The following RBFOX1 variants were observed in gnomAD, a reference collection of about 807,000 sequenced individuals.
RBFOX1 encodes the protein RNA binding protein fox-1 homolog 1.
RBFOX1 carries 8 observed loss-of-function variants against 57.7 expected under a neutral mutation model. The ratio of observed to expected loss-of-function variants is 0.14; its 90% CI spans 0.08 to 0.25. RBFOX1 has a LOEUF of 0.25. RBFOX1 is among the 10% of genes least tolerant of loss of function. The pLI is 1.00. For missense variants in RBFOX1, 611 were observed against 548.5 expected (o/e 1.11, Z -1.14); for synonymous variants, 326 against 222.4 (o/e 1.47, Z -4.15).
intron 1 of RBFOX1, among the ~76,000 whole-genome samples, chr16:5,387,412 C>A (rs935205950): frequency 8.5e-5 from 13 of 152,200 alleles, no homozygotes; most frequent in Admixed American, 8.5e-4. Flanking sequence ...CATCACAGAC[C>A]TAGGCACCTT....
At chr16:6,869,839 A>C (rs2060563343) in intron 3 of RBFOX1, among the ~76,000 whole-genome samples, 1 of 152,160 alleles carries the variant, frequency 6.6e-6, no homozygotes, top group South Asian at 2.1e-4. Flanking sequence ...TGACTGCTTC[A>C]CGGGAATCAG....
chr16:7,056,669 C>T (rs888938890), intron 4 of RBFOX1, among the ~76,000 whole-genome samples: 2 of 152,062 alleles, frequency 1.3e-5, no homozygotes, highest in Non-Finnish European at 2.9e-5. Context: ...ATTCCAAAGC[C>T]CACCTTTCTG....
intron 4 of RBFOX1, among the ~76,000 whole-genome samples, chr16:7,370,104 G>A (rs1216952502): frequency 2.0e-5 from 3 of 152,186 alleles, no homozygotes; most frequent in Admixed American, 6.5e-5. Context: ...TTGTTGAAGG[G>A]TTTCCCTGTG....
intron 1 of RBFOX1, among the ~76,000 whole-genome samples, chr16:6,051,467 A>G (rs1254927944): frequency 1.3e-5 from 2 of 152,172 alleles, no homozygotes; most frequent in Non-Finnish European, 2.9e-5. Context: ...AGCTGGAATT[A>G]CAGGTGCCTT....
chr16:5,789,460 G>C (rs942116201), intron 3 of RBFOX1, among the ~76,000 whole-genome samples: 3 of 152,098 alleles, frequency 2.0e-5, no homozygotes, highest in Middle Eastern at 3.4e-3. Context: ...AGTGTGCATG[G>C]GCATGTATGG....
chr16:6,101,516 C>T (rs186190135), intron 1 of RBFOX1, among the ~76,000 whole-genome samples: 20 of 152,088 alleles, frequency 1.3e-4, no homozygotes, highest in African/African-American at 3.4e-4. Context: ...GACAGAGTTT[C>T]GCTCTTGTTG....
intron 3 of RBFOX1, among the ~76,000 whole-genome samples, chr16:6,834,219 G>A (rs1350791621): frequency 2.6e-5 from 4 of 151,962 alleles, no homozygotes; most frequent in Non-Finnish European, 4.4e-5. Flanking sequence ...GATTACAGGT[G>A]CCCGCTAGCA....
chr16:5,925,826 A>G (rs2058929092), intron 4 of RBFOX1, among the ~76,000 whole-genome samples: 1 of 151,968 alleles, frequency 6.6e-6, no homozygotes, highest in South Asian at 2.1e-4. Flanking sequence ...ATCGGCATAA[A>G]CCTCCAAATA....
chr16:6,723,466 A>G (rs569045276), intron 3 of RBFOX1, among the ~76,000 whole-genome samples: 1 of 152,320 alleles, frequency 6.6e-6, no homozygotes, highest in East Asian at 1.9e-4. Flanking sequence ...AATGTTATGT[A>G]TTATAGTTTT....
chr16:6,640,117 A>T (rs1324969018), intron 2 of RBFOX1, among the ~76,000 whole-genome samples: 7 of 152,184 alleles, frequency 4.6e-5, no homozygotes, highest in Non-Finnish European at 8.8e-5. Context: ...TAAACAGGGT[A>T]CACTGGTTTC....
At chr16:5,410,311 G>C (rs974083927) in intron 1 of RBFOX1, among the ~76,000 whole-genome samples, 15 of 151,912 alleles carry the variant, frequency 9.9e-5, no homozygotes, top group African/African-American at 3.1e-4. Flanking sequence ...GGTTGAGGCT[G>C]CAATGAGCTG....
chr16:5,553,770 C>A (rs1238948942), intron 2 of RBFOX1, among the ~76,000 whole-genome samples: 1 of 134,208 alleles, frequency 7.5e-6, no homozygotes, highest in East Asian at 2.2e-4. Flanking sequence ...CATGTGAAAC[C>A]TCATACCACA....
At chr16:7,100,565 GT>G (rs201889492) in intron 4 of RBFOX1, among the ~76,000 whole-genome samples, 5,130 of 118,672 alleles carry the variant, frequency 0.043, 86 homozygotes, top group South Asian at 0.087. Context: ...TTTAAAGGTT[GT>G]TTTTTTTTTT....
intron 2 of RBFOX1, among the ~76,000 whole-genome samples, chr16:6,385,925 T>C (rs1427484409): frequency 7.9e-6 from 1 of 126,962 alleles, no homozygotes; most frequent in Non-Finnish European, 1.7e-5. Context: ...AGAACTCATT[T>C]CTTTTTTTTC....
intron 3 of RBFOX1, among the ~76,000 whole-genome samples, chr16:6,992,573 T>C (rs898035769): frequency 1.3e-5 from 2 of 152,068 alleles, no homozygotes; most frequent in African/African-American, 4.8e-5. Context: ...TCCTCAGTAG[T>C]CGTGGTATTT....
intron 2 of RBFOX1, among the ~76,000 whole-genome samples, chr16:6,561,615 A>T (rs1028818059): frequency 2.6e-5 from 4 of 152,236 alleles, no homozygotes; most frequent in African/African-American, 9.6e-5. Context: ...GGAAAATTCA[A>T]TTCAGTTGCA....
chr16:6,993,105 T>G (rs2091763041), intron 3 of RBFOX1, among the ~76,000 whole-genome samples: 1 of 152,204 alleles, frequency 6.6e-6, no homozygotes, highest in South Asian at 2.1e-4. Flanking sequence ...TGCATTCATC[T>G]TTGGTTCTGT....
At chr16:7,624,636 T>C (rs1474521510) in intron 10 of RBFOX1, among the ~76,000 whole-genome samples, 1 of 152,186 alleles carries the variant, frequency 6.6e-6, no homozygotes, top group East Asian at 1.9e-4. Flanking sequence ...AGCTGAGCAC[T>C]AGAGGCAGAG....
intron 3 of RBFOX1, among the ~76,000 whole-genome samples, chr16:5,802,540 A>T (rs1239676283): frequency 1.3e-5 from 2 of 152,172 alleles, no homozygotes; most frequent in African/African-American, 4.8e-5. Context: ...GAATGCTCAG[A>T]GGTGGAACTG....
Sources: gnomAD v4.1 joint callset for allele counts (sites outside exome capture counted in the v4.1 genomes callset) on GRCh38, gnomAD v4.1.1 for gene constraint, MANE v1.5 for transcripts, NCBI Gene and HGNC (gene_info 2026-07-23, HGNC 2026-07-21) for gene names.